KLHL29: variants seen among roughly 807,000 people sequenced by gnomAD.
KLHL29 encodes the protein kelch like family member 29, also known as kelch-like protein 29.
A neutral mutation model predicts 80.4 loss-of-function variants in KLHL29; 21 were observed. The observed-to-expected ratio is 0.26, with a 90% CI of 0.19 to 0.38. The LOEUF (loss-of-function observed/expected upper bound fraction) is 0.38, where lower values mean the gene tolerates loss of function less well. Among genes scored for constraint, KLHL29 ranks in the 10% least tolerant of loss-of-function variants. KLHL29 has a pLI of 1.00. For synonymous variants in KLHL29, 511 were observed against 526.8 expected (o/e 0.97, Z 0.41); for missense variants, 867 against 1,223.9 (o/e 0.71, Z 4.35).
intron 2 of KLHL29, among the ~76,000 whole-genome samples, chr2:23,558,987 A>G (rs904205371): frequency 1.3e-5 from 2 of 152,250 alleles, no homozygotes; most frequent in African/African-American, 4.8e-5. Flanking sequence ...CCGTGGCTGC[A>G]GGGAGGGCGG....
At chr2:23,462,856 C>T (rs972670837) in intron 1 of KLHL29, among the ~76,000 whole-genome samples, 2 of 152,014 alleles carry the variant, frequency 1.3e-5, no homozygotes, top group African/African-American at 2.4e-5. Flanking sequence ...AAATGCTAAC[C>T]GGGCATGGTG....
chr2:23,541,396 A>G (rs1415037379), intron 2 of KLHL29, among the ~76,000 whole-genome samples: 2 of 152,242 alleles, frequency 1.3e-5, no homozygotes, highest in Non-Finnish European at 2.9e-5. Context: ...GCTCATCAGA[A>G]GCCTCTGCCT....
At chr2:23,535,502 CCATT>C (rs1254996835) in intron 2 of KLHL29, among the ~76,000 whole-genome samples, 1 of 152,140 alleles carries the variant, frequency 6.6e-6, no homozygotes, top group African/African-American at 2.4e-5. Flanking sequence ...ACTCAGGTGT[CCATT>C]AATTAATGAA....
intron 1 of KLHL29, among the ~76,000 whole-genome samples, chr2:23,440,985 A>G (rs1169387010): frequency 6.6e-6 from 1 of 152,168 alleles, no homozygotes; most frequent in African/African-American, 2.4e-5. Flanking sequence ...CTGGGTATAT[A>G]CCCAAAGGGC....
At chr2:23,413,104 A>G (rs929084581) in intron 1 of KLHL29, among the ~76,000 whole-genome samples, 2 of 152,200 alleles carry the variant, frequency 1.3e-5, no homozygotes, top group African/African-American at 4.8e-5. Context: ...CCCAGGATGC[A>G]TGTAATGAAC....
At chr2:23,536,918 A>ACTCTCTCTCTCTCCCTCTCTCGCT (rs1553336407) in intron 2 of KLHL29, among the ~76,000 whole-genome samples, 2 of 140,650 alleles carry the variant, frequency 1.4e-5, no homozygotes, top group African/African-American at 5.4e-5. Flanking sequence ...ACACACACAC[A>ACTCTCTCTCTCTCCCTCTCTCGCT]CTCTCTCTCT....
At chr2:23,599,083 A>G (rs1558403427) in intron 3 of KLHL29, among the ~76,000 whole-genome samples, 1 of 152,372 alleles carries the variant, frequency 6.6e-6, no homozygotes, top group East Asian at 1.9e-4. Context: ...TTTGGAGCAG[A>G]CAGGGGCAAG....
chr2:23,550,907 C>A (rs1295370274), intron 2 of KLHL29, among the ~76,000 whole-genome samples: 1 of 152,176 alleles, frequency 6.6e-6, no homozygotes, highest in Admixed American at 6.5e-5. Context: ...GAGAGGCGGC[C>A]CTGGGAGGGG....
intron 11 of KLHL29, chr2:23,697,812 ACCC>A (rs1672064306): frequency 6.6e-6 from 1 of 152,090 alleles, no homozygotes; most frequent in Non-Finnish European, 1.5e-5. Flanking sequence ...CTTCAGTGTG[ACCC>A]ACTGCCCAGC....
intron 5 of KLHL29, among the ~76,000 whole-genome samples, chr2:23,644,831 C>T (rs1030582570): frequency 3.9e-5 from 6 of 152,232 alleles, no homozygotes; most frequent in Non-Finnish European, 7.3e-5. Context: ...AGACCGAGGG[C>T]CAGGTGTGAG....
chr2:23,432,917 G>A (rs1055501290), intron 1 of KLHL29, among the ~76,000 whole-genome samples: 1 of 152,228 alleles, frequency 6.6e-6, no homozygotes, highest in Non-Finnish European at 1.5e-5. Flanking sequence ...AGGATGAAGA[G>A]ACAGGAAAGG....
intron 5 of KLHL29, among the ~76,000 whole-genome samples, chr2:23,679,236 A>G (rs1671009254): frequency 6.6e-6 from 1 of 152,146 alleles, no homozygotes; most frequent in African/African-American, 2.4e-5. Context: ...ACAGCCACTT[A>G]TTTAGATTGT....
At chr2:23,656,866 C>T (rs915231614) in intron 5 of KLHL29, among the ~76,000 whole-genome samples, 4 of 152,002 alleles carry the variant, frequency 2.6e-5, no homozygotes, top group Admixed American at 6.6e-5. Context: ...TGGCCCTCCC[C>T]GCCTGCACGG....
At chr2:23,617,902 G>A (rs931119854) in intron 3 of KLHL29, 3 of 152,204 alleles carry the variant, frequency 2.0e-5, no homozygotes, top group African/African-American at 2.4e-5. Context: ...CCGCGAGAGG[G>A]AACCGAGGGT....
intron 13 of KLHL29, among the ~76,000 whole-genome samples, chr2:23,704,903 T>C (rs1250088718): frequency 6.6e-6 from 1 of 152,230 alleles, no homozygotes; most frequent in Admixed American, 6.5e-5. Flanking sequence ...AGAGTGCCCA[T>C]TGTTTGTGTA....
intron 1 of KLHL29, among the ~76,000 whole-genome samples, chr2:23,390,067 C>T (rs1022517736): frequency 3.3e-5 from 5 of 152,182 alleles, no homozygotes; most frequent in Admixed American, 6.5e-5. Context: ...CCTACAACCG[C>T]CACAGGCTTA....
At position 23,682,896 on chromosome 2, in the gene KLHL29, G is replaced by C. The variant is rs1558437767; in HGVS notation, c.941-1503G>C. ...TTGGCGGGGTCAGTGATTCGGCCTT[G>C]CCATGGCTCCCAGAGGGCAGGGCCC... is the stretch of plus-strand genomic sequence containing the variant. On this transcript the variant is annotated intron_variant, in intron 5 of 13. Transcript: ENST00000486442. This position sits in a 1 kb window ranked among gnomAD's most constrained non-coding sequence, Gnocchi z 4.1. Among the ~76,000 whole-genome samples the C allele has an allele frequency of 1.3e-5, 2 of 152,166 alleles. No homozygotes were observed. Among genetic ancestry groups the C allele is most frequent in the African/African-American group, 4.8e-5 (2 of 41,428 alleles).
rs190302536 is a variant in KLHL29, at chr2:23,553,715, C to T, written c.-45-8437C>T. ...TTTTGGCCCCACCTGTCACTCTTCTCAGCCTAGTCCCAGCCCCGCCATGTG... is the reference window on the plus strand; with the variant it reads ...TTTTGGCCCCACCTGTCACTCTTCTTAGCCTAGTCCCAGCCCCGCCATGTG... On this transcript the variant is annotated intron_variant, in intron 2 of 13. Transcript: ENST00000486442. Among the ~76,000 whole-genome samples, 22 of 152,336 alleles carry T rather than the reference C, an allele frequency of 1.4e-4. No homozygotes were observed. In the East Asian group the frequency reaches 3.1e-3, roughly 21 times the overall value.
rs796590547 is a variant in KLHL29, at chr2:23,514,011, G to A, written c.-46+38344G>A. On this transcript the variant is annotated intron_variant, in intron 2 of 13. Coordinates refer to ENST00000486442, the MANE Select transcript of KLHL29 (RefSeq NM_052920.2). ...GAGTAATGCTGAACCTGCTTCAAACGCAATAAATCACAAAAACCATTGTTT... is the reference window on the plus strand; with the variant it reads ...GAGTAATGCTGAACCTGCTTCAAACACAATAAATCACAAAAACCATTGTTT... 6.6e-5 allele frequency among the ~76,000 whole-genome samples: 10 copies of A among 152,258 alleles called. 1 individual carries two copies. Among genetic ancestry groups the A allele is most frequent in the African/African-American group, 2.2e-4 (9 of 41,540 alleles).
Sources: gnomAD v4.1 joint callset for allele counts (sites outside exome capture counted in the v4.1 genomes callset) on GRCh38, gnomAD v4.1.1 for gene constraint, Gnocchi (gnomAD v3.1) non-coding constraint, MANE v1.5 for transcripts, NCBI Gene and HGNC (gene_info 2026-07-23, HGNC 2026-07-21) for gene names.